The following GGT1 variants were observed in gnomAD, a reference collection of about 807,000 sequenced individuals.
GGT1 encodes glutathione hydrolase 1 proenzyme.
In GGT1, 21 loss-of-function variants were observed where a neutral mutation model predicts 56.0. That is an observed-to-expected ratio of 0.38 (90% CI 0.27 to 0.54). The LOEUF (loss-of-function observed/expected upper bound fraction) is 0.54. GGT1 is among the 20% of genes least tolerant of loss of function. GGT1 has a pLI of 0.82. For synonymous variants in GGT1, 238 were observed against 342.6 expected (o/e 0.69, Z 3.37); for missense variants, 466 against 787.0 (o/e 0.59, Z 4.88).
At chr22:24,599,125 C>G (rs1230239959), upstream of GGT1, 1 of 152,114 alleles carries the variant, frequency 6.6e-6, no homozygotes, top group Non-Finnish European at 1.5e-5. Context: ...AAACAGCTAG[C>G]CACCTGACAG....
intron 9 of GGT1, among the ~76,000 whole-genome samples, chr22:24,621,789 G>T (rs1286246549): frequency 6.6e-6 from 1 of 151,840 alleles, no homozygotes; most frequent in Non-Finnish European, 1.5e-5. Flanking sequence ...GGTGGCTCAC[G>T]TCTGTAATCC....
chr22:24,596,092 C>T (rs1569042138), intron 1 of GGT1, among the ~76,000 whole-genome samples: 2 of 152,186 alleles, frequency 1.3e-5, no homozygotes, highest in Non-Finnish European at 2.9e-5. Context: ...CAGGAATTGT[C>T]ATGAGGCTGT....
chr22:24,589,901 C>T, upstream of GGT1: 1 of 1,613,336 alleles, frequency 6.2e-7, no homozygotes, highest in East Asian at 2.2e-5. Flanking sequence ...AGGAAGGCCA[C>T]ATCTCTGTAG....
chr22:24,590,003 G>C, upstream of GGT1: 1 of 1,496,664 alleles, frequency 6.7e-7, no homozygotes, highest in East Asian at 2.5e-5. Flanking sequence ...CCATCTCGAG[G>C]CACCACCCCA....
intron 1 of GGT1, among the ~76,000 whole-genome samples, chr22:24,596,837 C>T (rs1240301199): frequency 2.7e-5 from 4 of 146,624 alleles, no homozygotes; most frequent in Non-Finnish European, 4.5e-5. Flanking sequence ...CGCTTGAACC[C>T]GGGACGCAGA....
the GGT1 span, chr22:24,588,274 A>G: frequency 3.1e-6 from 5 of 1,613,570 alleles, no homozygotes; most frequent in Non-Finnish European, 4.2e-6. Flanking sequence ...GTGAGGGGTG[A>G]GGTGGTAGAT....
intron 1 of GGT1, among the ~76,000 whole-genome samples, chr22:24,595,708 C>G (rs1051223297): frequency 6.6e-6 from 1 of 152,212 alleles, no homozygotes; most frequent in East Asian, 1.9e-4. Flanking sequence ...GACAGCCACA[C>G]CTTTGGAGTC....
chr22:24,589,542 T>A, the GGT1 span: 1 of 460,752 alleles, frequency 2.2e-6, no homozygotes, highest in Non-Finnish European at 3.4e-6. Flanking sequence ...ATAGTCTTCC[T>A]GGTCTGGGCC....
chr22:24,584,338 G>C, the GGT1 span, among the ~76,000 whole-genome samples: 1,579 of 152,300 alleles, frequency 0.01, 19 homozygotes, highest in Non-Finnish European at 0.014. Context: ...GGAGCAGAGC[G>C]GGCCTGAACT....
At chr22:24,626,058 TCTCCGCTCACTGCAAG>T (rs1468167581) in intron 11 of GGT1, among the ~76,000 whole-genome samples, 2 of 127,440 alleles carry the variant, frequency 1.6e-5, no homozygotes, top group Non-Finnish European at 3.2e-5. Flanking sequence ...AGTGGCGGGA[TCTCCGCTCACTGCAAG>T]CTCCGCCTCC....
In GGT1 at chr22:24,603,746, G is replaced by A. The variant is rs60629784; in HGVS notation, c.-429+219G>A. Among the ~76,000 whole-genome samples the A allele has an allele frequency of 2.6e-5, 4 of 152,068 alleles. No homozygotes were observed. The East Asian group carries it at 7.8e-4, about 30-fold the overall frequency. On this transcript the variant is annotated intron_variant, in intron 1 of 15. Transcript: ENST00000400382. ...TGAACAGACAGGCCCTGGAGGATCT[G>A]GCAGCCCTGAGTGGGGGCGGGGGGT...
intron 5 of GGT1, among the ~76,000 whole-genome samples, chr22:24,612,753 C>G (rs1262574367): frequency 6.6e-6 from 1 of 152,164 alleles, no homozygotes. Context: ...TCTCAAACTC[C>G]TGACCTCAGG....
upstream of GGT1, among the ~76,000 whole-genome samples, chr22:24,590,973 C>T (rs1487868936): frequency 2.6e-5 from 4 of 152,248 alleles, no homozygotes; most frequent in African/African-American, 9.6e-5. Flanking sequence ...CTACCCATCC[C>T]TCACCCCACC....
the GGT1 span, among the ~76,000 whole-genome samples, chr22:24,585,275 G>A: frequency 6.6e-6 from 1 of 152,334 alleles, no homozygotes; most frequent in South Asian, 2.1e-4. Context: ...GAGGGCTGTG[G>A]TGGTGAGGCT....
chr22:24,599,245 G>C (rs2045743919), upstream of GGT1: 1 of 152,230 alleles, frequency 6.6e-6, no homozygotes, highest in African/African-American at 2.4e-5. Flanking sequence ...GGCTTCAGGA[G>C]GAGGTGGCAT....
chr22:24,585,585 G>A, the GGT1 span: 1 of 455,682 alleles, frequency 2.2e-6, no homozygotes, highest in Non-Finnish European at 3.9e-6. Flanking sequence ...CACCCCAGCA[G>A]CAGGGCTGTT....
intron 1 of GGT1, among the ~76,000 whole-genome samples, chr22:24,607,408 C>T (rs1348656987): frequency 6.6e-6 from 1 of 152,190 alleles, no homozygotes; most frequent in Admixed American, 6.5e-5. Flanking sequence ...CAGAGGGAAC[C>T]AGCCTGGGGC....
upstream of GGT1, chr22:24,593,102 G>A (rs1306259052): frequency 4.8e-6 from 5 of 1,033,710 alleles, no homozygotes; most frequent in South Asian, 4.5e-5. Context: ...CGCTCCCGGG[G>A]CCGCCCCTAG....
At chr22:24,586,163 G>C in the GGT1 span, 1 of 1,613,522 alleles carries the variant, frequency 6.2e-7, no homozygotes, top group Non-Finnish European at 8.5e-7. Context: ...CTTGCGGGCA[G>C]TGGCCCGCGT....
Sources: allele counts gnomAD v4.1 joint callset (sites outside exome capture counted in the v4.1 genomes callset), GRCh38; gene constraint gnomAD v4.1.1; transcripts MANE v1.5; gene names NCBI Gene and HGNC (gene_info 2026-07-23, HGNC 2026-07-21).